The following GAP43 variants were observed in gnomAD, a reference collection of about 807,000 sequenced individuals.
GAP43 encodes neuromodulin.
A neutral mutation model predicts 18.6 loss-of-function variants in GAP43; 6 were observed. The ratio of observed to expected loss-of-function variants is 0.32; its 90% CI spans 0.18 to 0.64. The LOEUF (loss-of-function observed/expected upper bound fraction) is 0.64, where lower values mean the gene tolerates loss of function less well. Among genes scored for constraint, GAP43 ranks in the 30% least tolerant of loss-of-function variants. GAP43 has a pLI of 0.78. For missense variants in GAP43, 292 were observed against 295.5 expected, an observed-to-expected ratio of 0.99 and a Z score of 0.09; for synonymous variants, 115 against 111.4, an observed-to-expected ratio of 1.03 and a Z score of -0.20.
chr3:115,663,576 C>T (rs1708694091), intron 1 of GAP43: 1 of 1,316,982 alleles, frequency 7.6e-7, no homozygotes. Context: ...TGTGAATTTT[C>T]CCTGTCAAAA....
chr3:115,684,266 A>G (rs1045282676), intron 2 of GAP43, among the ~76,000 whole-genome samples: 4 of 152,064 alleles, frequency 2.6e-5, no homozygotes, highest in Non-Finnish European at 4.4e-5. Context: ...ATCTTTTGGA[A>G]TTTGGAATAG....
intron 2 of GAP43, among the ~76,000 whole-genome samples, chr3:115,707,990 TAC>T (rs3086971): frequency 0.34 from 49,649 of 146,470 alleles, 8,530 homozygotes; most frequent in South Asian, 0.45. Context: ...TATATCGGGA[TAC>T]ACACACACAC....
At chr3:115,691,371 A>G (rs1452528157) in intron 2 of GAP43, among the ~76,000 whole-genome samples, 2 of 152,206 alleles carry the variant, frequency 1.3e-5, no homozygotes, top group Non-Finnish European at 2.9e-5. Context: ...CTATGTTTGA[A>G]TCAAAGGTCC....
At chr3:115,711,934 T>C (rs1266943663) in intron 2 of GAP43, among the ~76,000 whole-genome samples, 1 of 152,230 alleles carries the variant, frequency 6.6e-6, no homozygotes, top group Non-Finnish European at 1.5e-5. Flanking sequence ...ATATATTTAC[T>C]TCATCTTATT....
chr3:115,682,942 C>G (rs1708974566), intron 2 of GAP43, among the ~76,000 whole-genome samples: 1 of 152,062 alleles, frequency 6.6e-6, no homozygotes, highest in Admixed American at 6.6e-5. Context: ...TCTTTCATAG[C>G]TTTTATTAAA....
chr3:115,718,328 T>C (rs2918208), intron 2 of GAP43, among the ~76,000 whole-genome samples: 80,842 of 151,986 alleles, frequency 0.53, 22,362 homozygotes, highest in East Asian at 0.76. Flanking sequence ...TTGAGCAGGG[T>C]TAGGGAACCA....
intron 2 of GAP43, among the ~76,000 whole-genome samples, chr3:115,696,608 T>G (rs1441679707): frequency 9.1e-6 from 1 of 109,720 alleles, no homozygotes; most frequent in Non-Finnish European, 1.7e-5. Context: ...GGTATGCTCA[T>G]ATGCAGGGAA....
At chr3:115,663,831 G>A in intron 1 of GAP43, 3 of 1,551,930 alleles carry the variant, frequency 1.9e-6, no homozygotes, top group Non-Finnish European at 2.6e-6. Context: ...TTTTTACCTT[G>A]CCTGGGAGGC....
chr3:115,708,720 T>A (rs747901246), intron 2 of GAP43, among the ~76,000 whole-genome samples: 8 of 152,124 alleles, frequency 5.3e-5, no homozygotes, highest in Non-Finnish European at 1.2e-4. Context: ...GTGGCTCCTA[T>A]TTTCTATACC....
intron 1 of GAP43, among the ~76,000 whole-genome samples, chr3:115,669,054 AAAAG>A (rs1464991737): frequency 2.4e-4 from 35 of 147,264 alleles, no homozygotes; most frequent in Admixed American, 4.1e-4. Flanking sequence ...TAAAAAAAAA[AAAAG>A]AAAGAAAAAG....
intron 2 of GAP43, among the ~76,000 whole-genome samples, chr3:115,688,111 G>C (rs530566894): frequency 6.6e-6 from 1 of 152,118 alleles, no homozygotes; most frequent in East Asian, 1.9e-4. Context: ...CCGCCTCCCG[G>C]GTTCAACCGA....
intron 1 of GAP43, among the ~76,000 whole-genome samples, chr3:115,672,086 CT>C (rs1708820847): frequency 6.6e-6 from 1 of 152,120 alleles, no homozygotes; most frequent in African/African-American, 2.4e-5. Flanking sequence ...GGATTATCTA[CT>C]ACAAGTAAGT....
chr3:115,712,803 T>C (rs184681954), intron 2 of GAP43, among the ~76,000 whole-genome samples: 11 of 152,302 alleles, frequency 7.2e-5, no homozygotes, highest in Admixed American at 2.6e-4. Context: ...AGATGGCATA[T>C]TGCAGATATC....
chr3:115,670,320 A>G (rs1708800948), intron 1 of GAP43, among the ~76,000 whole-genome samples: 2 of 151,134 alleles, frequency 1.3e-5, no homozygotes, highest in African/African-American at 4.9e-5. Flanking sequence ...TACAAAGGAC[A>G]TGAACTCATC....
chr3:115,675,515 A>G (rs1708870739), intron 1 of GAP43, among the ~76,000 whole-genome samples: 1 of 152,104 alleles, frequency 6.6e-6, no homozygotes, highest in South Asian at 2.1e-4. Context: ...TAATTCCAGC[A>G]CTTTGGGAGG....
At chr3:115,681,154 G>T (rs553136390) in intron 2 of GAP43, among the ~76,000 whole-genome samples, 1 of 152,300 alleles carries the variant, frequency 6.6e-6, no homozygotes, top group Admixed American at 6.5e-5. Context: ...AAGCTTTTAT[G>T]GAGCACTTTT....
At chr3:115,713,542 C>A (rs1041003605) in intron 2 of GAP43, among the ~76,000 whole-genome samples, 1 of 152,238 alleles carries the variant, frequency 6.6e-6, no homozygotes, top group Non-Finnish European at 1.5e-5. Context: ...CCTGGCTGAG[C>A]GCACAAGCAG....
At chr3:115,708,940 G>GTTTTTTTTTTTTTTTTTTTTTT (rs3086974) in intron 2 of GAP43, among the ~76,000 whole-genome samples, 25 of 99,798 alleles carry the variant, frequency 2.5e-4, no homozygotes, top group African/African-American at 5.4e-4. Context: ...AACTGGCTGG[G>GTTTTTTTTTTTTTTTTTTTTTT]TTTTTTTTTT....
rs1709235753 is a variant in GAP43 at position 115,698,149 on chromosome 3, T to TATATATTATATATATA, written c.628+21545_628+21546insTATATATATAATATAT. ...TATATATAATATATATAATATATATTATATATAATATATAAAATATATTAA... is the reference window on the plus strand; with the variant it reads ...TATATATAATATATATAATATATATTATATATTATATATATAATATATAATATATAAAATATATTAA... On this transcript the variant is annotated intron_variant, in intron 2 of 2. Transcript: ENST00000305124. Among the ~76,000 whole-genome samples, 49 of 13,406 alleles carry TATATATTATATATATA rather than the reference T, an allele frequency of 3.7e-3. 1 individual carries two copies. The highest frequency in any genetic ancestry group is 0.021 in the Admixed American group (10 of 466). 8.8% of individuals were successfully genotyped at this position (13,406 alleles called of 152,430 possible). A position where few individuals can be genotyped will look rare whatever the true frequency, so the allele number is the denominator to read the frequency against.
Sources: gnomAD v4.1 joint callset for allele counts (sites outside exome capture counted in the v4.1 genomes callset) on GRCh38, gnomAD v4.1.1 for gene constraint, MANE v1.5 for transcripts, NCBI Gene and HGNC (gene_info 2026-07-23, HGNC 2026-07-21) for gene names.